Variants in MRTFA observed in about 807,000 individuals in gnomAD.
The protein encoded by MRTFA is myocardin-related transcription factor A.
Under a neutral mutation model 83.5 loss-of-function variants are expected in MRTFA, and 20 were observed. The ratio of observed to expected loss-of-function variants is 0.24; its 90% CI spans 0.17 to 0.35. The LOEUF (loss-of-function observed/expected upper bound fraction) is 0.35, where lower values mean the gene tolerates loss of function less well. Ranked by LOEUF, MRTFA falls within the 10% of genes least tolerant of loss-of-function variation. The pLI is 1.00. For missense variants in MRTFA, 1,200 were observed against 1,224.7 expected, an observed-to-expected ratio of 0.98 and a Z score of 0.30; for synonymous variants, 659 against 541.2, an observed-to-expected ratio of 1.22 and a Z score of -3.02.
intron 3 of MRTFA, among the ~76,000 whole-genome samples, chr22:40,471,237 A>C (rs1484861433): frequency 4.0e-5 from 6 of 148,328 alleles, no homozygotes; most frequent in Non-Finnish European, 7.5e-5. Context: ...AAAAAAAAAA[A>C]AAAAAAAAAA....
intron 3 of MRTFA, among the ~76,000 whole-genome samples, chr22:40,536,243 C>A (rs146057902): frequency 1.3e-5 from 2 of 151,978 alleles, no homozygotes; most frequent in East Asian, 3.9e-4. Flanking sequence ...TTCCAGGCTA[C>A]AGTGAGCTGT....
intron 2 of MRTFA, chr22:40,569,748 CATACATACATACATA>C (rs2055759118): frequency 1.3e-5 from 2 of 152,168 alleles, no homozygotes; most frequent in East Asian, 1.9e-4. Flanking sequence ...TACATACATA[CATACATACATACATA>C]CATACATACA....
At chr22:40,518,682 C>G (rs2054803948) in intron 3 of MRTFA, among the ~76,000 whole-genome samples, 2 of 149,386 alleles carry the variant, frequency 1.3e-5, no homozygotes. Flanking sequence ...GTAGTCCCGG[C>G]TTCTCAGGAA....
At chr22:40,612,725 A>C (rs763921365) in intron 1 of MRTFA, among the ~76,000 whole-genome samples, 19 of 152,228 alleles carry the variant, frequency 1.2e-4, no homozygotes, top group Admixed American at 3.9e-4. Context: ...AGGCAGGAGG[A>C]TCACTTGAGG....
At chr22:40,631,951 C>T (rs1015324722) in intron 1 of MRTFA, among the ~76,000 whole-genome samples, 2 of 152,170 alleles carry the variant, frequency 1.3e-5, no homozygotes, top group Non-Finnish European at 2.9e-5. Flanking sequence ...CCAAGATGGC[C>T]CCCAATGACC....
At chr22:40,451,748 T>C (rs2053490349) in intron 4 of MRTFA, among the ~76,000 whole-genome samples, 1 of 152,154 alleles carries the variant, frequency 6.6e-6, no homozygotes, top group Non-Finnish European at 1.5e-5. Context: ...CAGGCATGTT[T>C]ATATCTAGCT....
intron 5 of MRTFA, chr22:40,433,620 G>C (rs1602234829): frequency 6.5e-6 from 1 of 152,950 alleles, no homozygotes; most frequent in East Asian, 1.9e-4. Flanking sequence ...GCACAGATGT[G>C]AGCAGCTGGT....
chr22:40,532,763 C>CT (rs2055105104), intron 3 of MRTFA, among the ~76,000 whole-genome samples: 1 of 152,308 alleles, frequency 6.6e-6, no homozygotes, highest in South Asian at 2.1e-4. Flanking sequence ...ACCAAGAAGT[C>CT]TTATTTTCCT....
At chr22:40,444,588 G>A (rs2147116575) in intron 4 of MRTFA, among the ~76,000 whole-genome samples, 1 of 152,256 alleles carries the variant, frequency 6.6e-6, no homozygotes, top group African/African-American at 2.4e-5. Context: ...TTTCTCATCA[G>A]AAACCATGGA....
At chr22:40,503,990 T>C (rs1042513700) in intron 3 of MRTFA, among the ~76,000 whole-genome samples, 6 of 152,128 alleles carry the variant, frequency 3.9e-5, no homozygotes, top group Non-Finnish European at 8.8e-5. Flanking sequence ...ATAGATTAAT[T>C]CAAAAGATTC....
intron 3 of MRTFA, among the ~76,000 whole-genome samples, chr22:40,501,981 G>A (rs1265494408): frequency 7.6e-6 from 1 of 131,464 alleles, no homozygotes; most frequent in Non-Finnish European, 1.6e-5. Context: ...CGGGCGGGGG[G>A]CTGACCCCCC....
chr22:40,517,059 A>T (rs2054773423), intron 3 of MRTFA, among the ~76,000 whole-genome samples: 1 of 152,028 alleles, frequency 6.6e-6, no homozygotes, highest in Admixed American at 6.6e-5. Flanking sequence ...AGCAGCTGGG[A>T]CTATAGGTGT....
rs530109587 is a variant in MRTFA, at chr22:40,539,966, G to A, written c.241+12140C>T. Among the ~76,000 whole-genome samples, 3 of 142,386 alleles carry A rather than the reference G, an allele frequency of 2.1e-5. No homozygotes were observed. The South Asian group carries it at 6.7e-4, about 32-fold the overall frequency. The allele number at this position is 142,386 out of a possible 152,430, so 93.4% of individuals were successfully genotyped here. The stretch of plus-strand genomic sequence containing the variant: ...ACTCTGTTGCCCAGACAAGAGTACA[G>A]TGGAGTGATCTCAGCTCACTGCAGC... On this transcript the variant is annotated intron_variant, in intron 3 of 14. Coordinates refer to ENST00000355630, the MANE Select transcript of MRTFA (RefSeq NM_020831.6).
chr22:40,514,681 T>C (rs1021690116), intron 3 of MRTFA, among the ~76,000 whole-genome samples: 9 of 151,816 alleles, frequency 5.9e-5, no homozygotes, highest in Middle Eastern at 3.4e-3. Flanking sequence ...GGTTTCACCA[T>C]GTTAGCCAGG....
chr22:40,453,744 TA>T (rs989289070), intron 4 of MRTFA, among the ~76,000 whole-genome samples: 66 of 151,934 alleles, frequency 4.3e-4, no homozygotes, highest in African/African-American at 1.5e-3. Flanking sequence ...AAAAAATTGT[TA>T]AAAAAAATAG....
At chr22:40,532,966 A>G (rs1174581091) in intron 3 of MRTFA, among the ~76,000 whole-genome samples, 3 of 152,222 alleles carry the variant, frequency 2.0e-5, no homozygotes, top group Non-Finnish European at 4.4e-5. Context: ...GAAACCACTG[A>G]AAACTAACTA....
chr22:40,561,856 G>C (rs1311150148), intron 2 of MRTFA, among the ~76,000 whole-genome samples: 1 of 152,148 alleles, frequency 6.6e-6, no homozygotes, highest in African/African-American at 2.4e-5. Flanking sequence ...AACAGTGAAA[G>C]TGATGGTATG....
At chr22:40,556,653 C>A (rs1438212885) in intron 2 of MRTFA, among the ~76,000 whole-genome samples, 1 of 152,164 alleles carries the variant, frequency 6.6e-6, no homozygotes, top group African/African-American at 2.4e-5. Context: ...CAACAAATGT[C>A]TACCAACAAA....
At chr22:40,592,807 C>T (rs1447206796) in intron 2 of MRTFA, among the ~76,000 whole-genome samples, 1 of 152,060 alleles carries the variant, frequency 6.6e-6, no homozygotes, top group African/African-American at 2.4e-5. Context: ...AATTTCTTTA[C>T]AAGCATAATG....
Sources: gnomAD v4.1 joint callset for allele counts (sites outside exome capture counted in the v4.1 genomes callset) on GRCh38, gnomAD v4.1.1 for gene constraint, MANE v1.5 for transcripts, NCBI Gene and HGNC (gene_info 2026-07-23, HGNC 2026-07-21) for gene names.